The following ILRUN variants were observed in gnomAD, a reference collection of about 807,000 sequenced individuals.
The protein encoded by ILRUN is protein ILRUN.
A neutral mutation model predicts 33.8 loss-of-function variants in ILRUN; 3 were observed. That is an observed-to-expected ratio of 0.09 (90% CI 0.04 to 0.23). The LOEUF is 0.23. Ranked by LOEUF, ILRUN falls within the 10% of genes least tolerant of loss-of-function variation. The probability of loss-of-function intolerance (pLI) is 1.00; values close to 1 mark genes in which losing one functional copy is unlikely to be tolerated. For synonymous variants in ILRUN, 124 were observed against 138.9 expected, an observed-to-expected ratio of 0.89 and a Z score of 0.75; for missense variants, 210 against 375.1, an observed-to-expected ratio of 0.56 and a Z score of 3.64.
chr6:34,637,528 T>C (rs575814851), intron 3 of ILRUN, among the ~76,000 whole-genome samples: 3 of 152,312 alleles, frequency 2.0e-5, no homozygotes, highest in East Asian at 3.9e-4. Context: ...TCAAATTATA[T>C]TTTTGCCCTC....
At chr6:34,688,964 A>G (rs1763587841) in intron 1 of ILRUN, among the ~76,000 whole-genome samples, 1 of 151,964 alleles carries the variant, frequency 6.6e-6, no homozygotes, top group Non-Finnish European at 1.5e-5. Context: ...TCCATCTCAA[A>G]AAAGAAAAGA....
At chr6:34,690,850 C>T (rs1014177338) in intron 1 of ILRUN, among the ~76,000 whole-genome samples, 4 of 152,054 alleles carry the variant, frequency 2.6e-5, no homozygotes, top group African/African-American at 4.8e-5. Flanking sequence ...AATCTCTGCC[C>T]GTAGGGATAC....
At chr6:34,601,141 T>C (rs1236152364) in intron 4 of ILRUN, among the ~76,000 whole-genome samples, 1 of 152,212 alleles carries the variant, frequency 6.6e-6, no homozygotes, top group African/African-American at 2.4e-5. Flanking sequence ...CTGGAGTTTT[T>C]TGTCATAAGC....
intron 1 of ILRUN, among the ~76,000 whole-genome samples, chr6:34,689,868 C>A (rs983269320): frequency 2.0e-5 from 3 of 151,746 alleles, no homozygotes; most frequent in Non-Finnish European, 4.4e-5. Flanking sequence ...ACATCTGTTC[C>A]ATCCATGGTG....
chr6:34,695,461 CA>C (rs1237041440), intron 1 of ILRUN, among the ~76,000 whole-genome samples: 3 of 152,246 alleles, frequency 2.0e-5, no homozygotes, highest in Non-Finnish European at 4.4e-5. Context: ...ACAACGACAG[CA>C]AGTGCTACTT....
Position 34,646,875 on chromosome 6 carries a change from A to G in ILRUN, c.314-77T>C. Reference sequence around the variant, plus strand: ...GGTGCAGTTTATTATGAAACTGTAGAAGAGGCCTCTTTCTTTTTCTCACAT... The same window carrying G: ...GGTGCAGTTTATTATGAAACTGTAGGAGAGGCCTCTTTCTTTTTCTCACAT... On this transcript the variant is annotated intron_variant, in intron 2 of 4. Transcript: ENST00000374023. This position sits in a 1 kb window ranked among gnomAD's most constrained non-coding sequence, Gnocchi z 4.9. The G allele has an allele frequency of 7.5e-7, 1 of 1,335,254 alleles. No homozygotes were observed. Among genetic ancestry groups the G allele is most frequent in the Admixed American group, 1.8e-5 (1 of 56,542 alleles). The allele number at this position is 1,335,254 out of a possible 1,614,324, so 82.7% of individuals were successfully genotyped here.
chr6:34,656,892 C>G (rs900718602), intron 1 of ILRUN, among the ~76,000 whole-genome samples: 1 of 152,196 alleles, frequency 6.6e-6, no homozygotes, highest in Non-Finnish European at 1.5e-5. Context: ...ATAAAGAGAG[C>G]TGGGCTGGGG....
intron 1 of ILRUN, among the ~76,000 whole-genome samples, chr6:34,670,104 G>A (rs1763085755): frequency 6.6e-6 from 1 of 151,966 alleles, no homozygotes. Flanking sequence ...GTAGAGACAG[G>A]GTTTCACCAT....
At chr6:34,654,040 T>A (rs1762724350) in intron 2 of ILRUN, among the ~76,000 whole-genome samples, 1 of 151,818 alleles carries the variant, frequency 6.6e-6, no homozygotes, top group Non-Finnish European at 1.5e-5. Flanking sequence ...ATTTTTTTTT[T>A]AAACCAACAA....
chr6:34,683,539 A>C (rs1169670848), intron 1 of ILRUN, among the ~76,000 whole-genome samples: 1 of 138,220 alleles, frequency 7.2e-6, no homozygotes, highest in African/African-American at 2.8e-5. Flanking sequence ...CATATTGCAC[A>C]GAATATTCTG....
chr6:34,599,431 A>G (rs1159769303), intron 4 of ILRUN, among the ~76,000 whole-genome samples: 1 of 152,204 alleles, frequency 6.6e-6, no homozygotes, highest in African/African-American at 2.4e-5. Flanking sequence ...GCATGTCAAG[A>G]AACATTTCTG....
chr6:34,626,075 C>G (rs1010871689), intron 3 of ILRUN, among the ~76,000 whole-genome samples: 1 of 152,190 alleles, frequency 6.6e-6, no homozygotes, highest in Non-Finnish European at 1.5e-5. Context: ...TGGTCTCGAT[C>G]TCCTGACCCC....
intron 4 of ILRUN, among the ~76,000 whole-genome samples, chr6:34,606,077 A>G (rs1331366967): frequency 6.6e-6 from 1 of 152,226 alleles, no homozygotes; most frequent in Non-Finnish European, 1.5e-5. Context: ...TTAACTCAAC[A>G]AACAACTCTC....
At chr6:34,627,004 C>CA (rs1455690845) in intron 3 of ILRUN, among the ~76,000 whole-genome samples, 4,863 of 142,356 alleles carry the variant, frequency 0.034, 233 homozygotes, top group African/African-American at 0.11. Flanking sequence ...AACTCCATCT[C>CA]AAAAAAAAAA....
chr6:34,633,153 T>G (rs190269142), intron 3 of ILRUN, among the ~76,000 whole-genome samples: 2 of 152,160 alleles, frequency 1.3e-5, no homozygotes, highest in Admixed American at 1.3e-4. Flanking sequence ...ATCAAAGTAG[T>G]CTTCAGAGCA....
chr6:34,680,678 C>G (rs528552825), intron 1 of ILRUN, among the ~76,000 whole-genome samples: 2 of 152,262 alleles, frequency 1.3e-5, no homozygotes, highest in South Asian at 2.1e-4. Flanking sequence ...GTCTCGAACT[C>G]CTGACCTCAA....
chr6:34,594,892 T>C (rs1761370097), intron 4 of ILRUN, among the ~76,000 whole-genome samples: 1 of 152,182 alleles, frequency 6.6e-6, no homozygotes, highest in Admixed American at 6.5e-5. Context: ...AAAAATTTTG[T>C]TGTTGGGTGT....
At chr6:34,627,159 C>A (rs1309265439) in intron 3 of ILRUN, among the ~76,000 whole-genome samples, 2 of 152,174 alleles carry the variant, frequency 1.3e-5, no homozygotes, top group Admixed American at 1.3e-4. Flanking sequence ...TGGAATCCAA[C>A]AGTATGTAGC....
At chr6:34,686,292 A>C (rs1763515543) in intron 1 of ILRUN, among the ~76,000 whole-genome samples, 1 of 151,998 alleles carries the variant, frequency 6.6e-6, no homozygotes, top group Admixed American at 6.6e-5. Context: ...TGAGGTCAGG[A>C]GATCGAGACC....
Sources: gnomAD v4.1 joint callset for allele counts (sites outside exome capture counted in the v4.1 genomes callset) on GRCh38, gnomAD v4.1.1 for gene constraint, Gnocchi (gnomAD v3.1) non-coding constraint, MANE v1.5 for transcripts, NCBI Gene and HGNC (gene_info 2026-07-23, HGNC 2026-07-21) for gene names.